Variants in TRIM34 observed in about 807,000 individuals in gnomAD.
The protein encoded by TRIM34 is E3 ubiquitin-protein ligase TRIM34.
A neutral mutation model predicts 38.1 loss-of-function variants in TRIM34; 41 were observed. The ratio of observed to expected loss-of-function variants is 1.08; its 90% confidence interval spans 0.84 to 1.40. The LOEUF (loss-of-function observed/expected upper bound fraction) is 1.40. Among genes scored for constraint, TRIM34 ranks in the 40% most tolerant of loss-of-function variants. TRIM34 has a pLI of 0.00. For synonymous variants in TRIM34, 200 were observed against 202.5 expected, an observed-to-expected ratio of 0.99 and a Z score of 0.10; for missense variants, 556 against 571.4, an observed-to-expected ratio of 0.97 and a Z score of 0.27.
rs778700935 is a variant in TRIM34, at chr11:5,634,762, A to T, written c.651A>T (p.Ala217=). ...EEEKKTLDKF[A]EAEDELVQQK... is the part of the protein sequence containing the mutation. ...AAAAGAAGACGCTGGATAAGTTTGC[A>T]GAGGCTGAGGATGAGCTAGTTCAGC... Residue 217 remains alanine, a synonymous_variant, in exon 4 of 8, where the codon GCA becomes GCT. Transcript: ENST00000429814. 9.3e-6 allele frequency: 15 copies of T among 1,614,102 alleles called. No individual in the cohort carries two copies. The Admixed American group carries it at 2.5e-4, about 27-fold the overall frequency.
intron 4 of TRIM34, among the ~76,000 whole-genome samples, chr11:5,637,672 A>C (rs1849805183): frequency 6.6e-6 from 1 of 152,162 alleles, no homozygotes; most frequent in South Asian, 2.1e-4. Flanking sequence ...GCAACCATTA[A>C]GTGGGATCCC....
Position 5,643,747 on chromosome 11 carries a change from C to T in TRIM34, c.*38C>T. ...CTTCACCTACAACCCTTTGTCTTGA[C>T]TTATCTCCTGCAACTGACTCATCTG... On this transcript the variant is annotated 3_prime_UTR_variant, in exon 8 of 8. Coordinates refer to ENST00000429814, the MANE Select transcript of TRIM34 (RefSeq NM_021616.6). 1 of 1,532,536 alleles carries T rather than the reference C, an allele frequency of 6.5e-7. No homozygotes were observed. Among genetic ancestry groups the T allele is most frequent in the Non-Finnish European group, 8.7e-7 (1 of 1,146,204 alleles). The allele number at this position is 1,532,536 out of a possible 1,614,324, so 94.9% of individuals were successfully genotyped here. A position where few individuals can be genotyped will look rare whatever the true frequency, so the allele number is the denominator to read the frequency against.
intron 3 of TRIM34, 62 bp from the exon 4 acceptor site, chr11:5,634,569 C>A: frequency 6.4e-6 from 9 of 1,410,446 alleles, no homozygotes; most frequent in Admixed American, 2.3e-5. Flanking sequence ...GCTCCTAATC[C>A]CTTGCACAAT....
chr11:5,624,730 G>A (rs372042201), upstream of TRIM34: 17 of 152,326 alleles, frequency 1.1e-4, no homozygotes, highest in African/African-American at 4.1e-4. Context: ...CATTCCCCTA[G>A]TTAACAACCA....
In TRIM34 at chr11:5,634,607, ACTCT is replaced by A; in HGVS notation, c.520-19_520-16del. ...GCCTTAGCCTGACAAACTTACTACA[ACTCT>A]CTCTTGTCCATCCTTGCAGTATCAG... is the stretch of plus-strand genomic sequence containing the variant. On this transcript the variant is annotated intron_variant, in intron 3 of 7. Coordinates refer to ENST00000429814, the MANE Select transcript of TRIM34 (RefSeq NM_021616.6). 1 of 1,598,424 alleles carries A rather than the reference ACTCT, an allele frequency of 6.3e-7. No individual in the cohort carries two copies. Among genetic ancestry groups the A allele is most frequent in the South Asian group, 1.1e-5 (1 of 89,452 alleles).
intron 1 of TRIM34, among the ~76,000 whole-genome samples, chr11:5,625,578 CCCT>C (rs762410344): frequency 9.2e-5 from 14 of 152,110 alleles, no homozygotes; most frequent in Non-Finnish European, 1.2e-4. Context: ...TCTTTTGCTG[CCCT>C]CCTGGCAACC....
In TRIM34 at chr11:5,637,379, GA is replaced by G. The variant is rs200956582; in HGVS notation, c.750+2519del. ...CATTCAACACTTACTGCCAAAGAAC[GA>G]TCTAGACAGAAAGACGCTCAACTTG... On this transcript the variant is annotated intron_variant, in intron 4 of 7. Transcript: ENST00000429814. Among the ~76,000 whole-genome samples the G allele has an allele frequency of 7.7e-3, 1,167 of 152,270 alleles. 3 individuals are homozygous for G. Among genetic ancestry groups the G allele is most frequent in the Non-Finnish European group, 0.012 (803 of 68,014 alleles).
chr11:5,634,512 CACACACACACACACACACAT>C, intron 3 of TRIM34, 99 bp from the exon 4 acceptor site: 1 of 519,860 alleles, frequency 1.9e-6, no homozygotes, highest in Non-Finnish European at 3.0e-6. Context: ...CACACACACA[CACACACACACACACACACAT>C]ATATATATAT....
At chr11:5,629,820 G>C (rs1361664793) in intron 1 of TRIM34, among the ~76,000 whole-genome samples, 1 of 152,148 alleles carries the variant, frequency 6.6e-6, no homozygotes, top group Non-Finnish European at 1.5e-5. Flanking sequence ...CCATTCTCCT[G>C]CCTTAGCCTC....
rs556020379 is a variant in TRIM34, at chr11:5,640,854, C to T, written c.751-313C>T. On this transcript the variant is annotated intron_variant, in intron 4 of 7. Transcript: ENST00000429814. Reference sequence around the variant, plus strand: ...TTTAGGCCTATTCATATTTTCTATGCGTTCTTTAATGTGTATTGATAGTTT... The same window carrying T: ...TTTAGGCCTATTCATATTTTCTATGTGTTCTTTAATGTGTATTGATAGTTT... Among the ~76,000 whole-genome samples, 32 of 152,080 alleles carry T rather than the reference C, an allele frequency of 2.1e-4. 1 individual carries two copies. The highest frequency in any genetic ancestry group is 2.9e-5 in the Non-Finnish European group (2 of 68,008).
upstream of TRIM34, among the ~76,000 whole-genome samples, chr11:5,624,158 T>C (rs1355776476): frequency 1.3e-5 from 2 of 152,202 alleles, no homozygotes; most frequent in Admixed American, 1.3e-4. Flanking sequence ...GGCACAAAAC[T>C]CCTGATTTAC....
At position 5,634,871 on chromosome 11, in the gene TRIM34, T is replaced by C. The variant is rs939309979; in HGVS notation, c.750+10T>C. 3.1e-6 allele frequency: 5 copies of C among 1,609,050 alleles called. No individual in the cohort carries two copies. In the African/African-American group the frequency reaches 6.7e-5, roughly 22 times the overall value. ...AATGGAGCTGCTGCAGGTAAGAAGG[T>C]TCGCTCAATCTGAGATTCTGGGAAC... is the stretch of plus-strand genomic sequence containing the variant. On this transcript the variant is annotated intron_variant, in intron 4 of 7. Transcript: ENST00000429814.
chr11:5,634,986 T>C, intron 4 of TRIM34, 125 bp downstream of exon 4: 1 of 952,478 alleles, frequency 1.0e-6, no homozygotes, highest in Non-Finnish European at 1.5e-6. Flanking sequence ...TCGTCCATTC[T>C]AGATGTCATG....
chr11:5,624,474 G>T (rs544703939), upstream of TRIM34, among the ~76,000 whole-genome samples: 1 of 152,190 alleles, frequency 6.6e-6, no homozygotes, highest in African/African-American at 2.4e-5. Context: ...CAAGTGGATC[G>T]TTGGAGCTGA....
intron 4 of TRIM34, among the ~76,000 whole-genome samples, chr11:5,637,532 G>C (rs994327604): frequency 6.6e-6 from 1 of 152,148 alleles, no homozygotes; most frequent in African/African-American, 2.4e-5. Flanking sequence ...AGGATGGAAT[G>C]GTAGGTAGCT....
rs1421497806 is a variant in TRIM34, at chr11:5,643,385, T to G, written c.1143T>G (p.Cys381Trp). 12 of 1,614,052 alleles carry G rather than the reference T, an allele frequency of 7.4e-6. No homozygotes were observed. The East Asian group carries it at 2.7e-4, about 36-fold the overall frequency. ...ATATGAAGTATGTTGTTAGAAGATGTGCAAATCGTCAAAATCTTTACACCA... is the reference window on the plus strand; with the variant it reads ...ATATGAAGTATGTTGTTAGAAGATGGGCAAATCGTCAAAATCTTTACACCA... The part of the protein sequence containing the change: ...SRHMKYVVRR[C>W]ANRQNLYTKY... The change falls in exon 8 of 8, where the codon TGT (cysteine) becomes TGG (tryptophan). Residue 381 changes from cysteine (C) to tryptophan (W), a missense_variant. Physicochemically the swap from Cys to Trp is radical, Grantham distance 215 (BLOSUM62 -2). Coordinates refer to ENST00000429814, the MANE Select transcript of TRIM34 (RefSeq NM_021616.6).
intron 1 of TRIM34, among the ~76,000 whole-genome samples, chr11:5,631,132 A>C (rs968285545): frequency 6.6e-6 from 1 of 151,994 alleles, no homozygotes; most frequent in Admixed American, 6.6e-5. Flanking sequence ...AGCTGGTTAC[A>C]CCCCTCCCCC....
chr11:5,629,713 T>A (rs1181950135), intron 1 of TRIM34, among the ~76,000 whole-genome samples: 1 of 152,208 alleles, frequency 6.6e-6, no homozygotes, highest in East Asian at 1.9e-4. Context: ...TCTTTTGTTT[T>A]GTTTTGTTTT....
intron 4 of TRIM34, among the ~76,000 whole-genome samples, chr11:5,639,679 C>CAAAAAAAAAAAA (rs58134807): frequency 1.4e-4 from 7 of 51,130 alleles, no homozygotes; most frequent in African/African-American, 3.5e-4. Context: ...GACTCTATTT[C>CAAAAAAAAAAAA]AAAAAAAAAA....
Sources: gnomAD v4.1 joint callset for allele counts (sites outside exome capture counted in the v4.1 genomes callset) on GRCh38, gnomAD v4.1.1 for gene constraint, MANE v1.5 for transcripts, NCBI Gene and HGNC (gene_info 2026-07-23, HGNC 2026-07-21) for gene names.